The following MYO16 variants were observed in gnomAD, a reference collection of about 807,000 sequenced individuals.
MYO16 encodes unconventional myosin-XVI.
In MYO16, 94 loss-of-function variants were observed where a neutral mutation model predicts 205.3. The ratio of observed to expected loss-of-function variants is 0.46; its 90% CI spans 0.39 to 0.54. MYO16 has a LOEUF of 0.54. MYO16 is among the 20% of genes least tolerant of loss of function. MYO16 has a pLI of 0.00. For missense variants in MYO16, 2,315 were observed against 2,387.5 expected (o/e 0.97, Z 0.63); for synonymous variants, 988 against 954.0 (o/e 1.04, Z -0.66).
At chr13:108,666,537 G>A (rs1881740483) in intron 2 of MYO16, among the ~76,000 whole-genome samples, 1 of 151,818 alleles carries the variant, frequency 6.6e-6, no homozygotes, top group Admixed American at 6.6e-5. Flanking sequence ...TGACCAGGCT[G>A]GTCTCGAACT....
chr13:108,662,152 C>G (rs1469635903), intron 1 of MYO16, among the ~76,000 whole-genome samples: 1 of 152,200 alleles, frequency 6.6e-6, no homozygotes, highest in East Asian at 1.9e-4. Flanking sequence ...ATGTGTCTCT[C>G]AGCCGTGGAT....
rs114940058 is a variant in MYO16 at position 108,608,588 on chromosome 13, C to A, written c.-39+12349C>A. On this transcript the variant is annotated intron_variant, in intron 1 of 24. Coordinates refer to the MYO16 transcript ENST00000251041. ...ATAAATACACACACGCATACATATA[C>A]ACATACATAAATACATATATATCAG... Among the ~76,000 whole-genome samples, 918 of 152,200 alleles carry A rather than the reference C, an allele frequency of 6.0e-3. 13 individuals carry two copies. The highest frequency in any genetic ancestry group is 0.021 in the African/African-American group (880 of 41,518).
At chr13:108,744,945 GCTTA>G (rs942940276) in intron 4 of MYO16, among the ~76,000 whole-genome samples, 4 of 152,222 alleles carry the variant, frequency 2.6e-5, no homozygotes, top group African/African-American at 9.6e-5. Flanking sequence ...TGGTAAAAAT[GCTTA>G]CTTAATATTA....
At chr13:108,959,569 G>C (rs185276777) in intron 17 of MYO16, among the ~76,000 whole-genome samples, 1,531 of 152,246 alleles carry the variant, frequency 0.01, 19 homozygotes, top group African/African-American at 0.035. Flanking sequence ...CCTGACCCTG[G>C]GAGTGACTTG....
intron 34 of MYO16, among the ~76,000 whole-genome samples, chr13:109,200,551 TTATG>T (rs1880355216): frequency 6.6e-6 from 1 of 152,158 alleles, no homozygotes; most frequent in African/African-American, 2.4e-5. Flanking sequence ...TTCAAAGGGT[TTATG>T]TGTGTAAGTT....
intron 4 of MYO16, among the ~76,000 whole-genome samples, chr13:108,739,607 A>G (rs1207358766): frequency 6.6e-6 from 1 of 151,848 alleles, no homozygotes; most frequent in Non-Finnish European, 1.5e-5. Flanking sequence ...TCTGCCAATT[A>G]TGTGTCTTGG....
At chr13:108,916,620 A>G (rs1353538381) in intron 16 of MYO16, among the ~76,000 whole-genome samples, 1 of 152,208 alleles carries the variant, frequency 6.6e-6, no homozygotes, top group African/African-American at 2.4e-5. Context: ...AGATCATAAA[A>G]ATTTTAGAAC....
chr13:109,181,600 C>T (rs1313546181), intron 34 of MYO16, among the ~76,000 whole-genome samples: 1 of 152,076 alleles, frequency 6.6e-6, no homozygotes, highest in African/African-American at 2.4e-5. Flanking sequence ...AATAAACTCC[C>T]TTCAAGGAAG....
chr13:108,695,289 C>T (rs1276342175), intron 2 of MYO16, among the ~76,000 whole-genome samples: 1 of 152,156 alleles, frequency 6.6e-6, no homozygotes, highest in African/African-American at 2.4e-5. Context: ...CTTCCTTCCT[C>T]ATTGAATGAT....
intron 3 of MYO16, among the ~76,000 whole-genome samples, chr13:108,717,367 CG>C (rs1012313218): frequency 0.038 from 4 of 106 alleles, no homozygotes; most frequent in Admixed American, 0.2. Flanking sequence ...TGGTGACTCA[CG>C]CCCTGTAATC....
intron 23 of MYO16, among the ~76,000 whole-genome samples, chr13:109,024,469 A>G (rs1040592056): frequency 2.0e-5 from 3 of 151,942 alleles, no homozygotes; most frequent in South Asian, 2.1e-4. Context: ...AAATCATTTT[A>G]TGTTCAGTTT....
chr13:108,669,198 A>G (rs1159731534), intron 2 of MYO16, among the ~76,000 whole-genome samples: 1 of 152,160 alleles, frequency 6.6e-6, no homozygotes, highest in Non-Finnish European at 1.5e-5. Flanking sequence ...AGGAATGACC[A>G]GGAAGAAAGG....
At chr13:108,672,502 A>G (rs1251119626) in intron 2 of MYO16, among the ~76,000 whole-genome samples, 1 of 152,068 alleles carries the variant, frequency 6.6e-6, no homozygotes, top group African/African-American at 2.4e-5. Context: ...GGTTTATAGT[A>G]TGTCATTTAA....
At chr13:108,578,793 T>G in the MYO16 span, among the ~76,000 whole-genome samples, 1 of 152,098 alleles carries the variant, frequency 6.6e-6, no homozygotes, top group Admixed American at 6.5e-5. Context: ...TAATTGGTCT[T>G]GTGGTGTGTT....
At chr13:109,106,445 C>A (rs2139726889) in intron 28 of MYO16, among the ~76,000 whole-genome samples, 1 of 152,272 alleles carries the variant, frequency 6.6e-6, no homozygotes, top group South Asian at 2.1e-4. Context: ...GACTGGACAG[C>A]AGTTAGGCCC....
At chr13:108,497,545 T>C in the MYO16 span, among the ~76,000 whole-genome samples, 1 of 152,236 alleles carries the variant, frequency 6.6e-6, no homozygotes, top group Non-Finnish European at 1.5e-5. Flanking sequence ...CAGAGTGTGA[T>C]ATTTATTTAC....
chr13:108,578,810 T>G, the MYO16 span, among the ~76,000 whole-genome samples: 5 of 151,990 alleles, frequency 3.3e-5, no homozygotes, highest in African/African-American at 1.2e-4. Flanking sequence ...TGTTCATAAC[T>G]ATGGACTGCA....
At chr13:108,894,165 C>A (rs1880302424) in intron 14 of MYO16, among the ~76,000 whole-genome samples, 2 of 152,064 alleles carry the variant, frequency 1.3e-5, no homozygotes, top group African/African-American at 2.4e-5. Flanking sequence ...ATGCGAATGC[C>A]TTCACGATCA....
At chr13:109,170,614 T>A (rs1283073450) in intron 33 of MYO16, among the ~76,000 whole-genome samples, 1 of 152,058 alleles carries the variant, frequency 6.6e-6, no homozygotes, top group Non-Finnish European at 1.5e-5. Flanking sequence ...TTTCTGTGTT[T>A]TGAGGCAAAA....
Sources: allele counts gnomAD v4.1 joint callset (sites outside exome capture counted in the v4.1 genomes callset), GRCh38; gene constraint gnomAD v4.1.1; transcripts MANE v1.5; gene names NCBI Gene and HGNC (gene_info 2026-07-23, HGNC 2026-07-21).